PGGT1B: variants seen among roughly 807,000 people sequenced by gnomAD.
PGGT1B encodes geranylgeranyl transferase type-1 subunit beta.
In PGGT1B, 30 loss-of-function variants were observed where a neutral mutation model predicts 46.1. The ratio of observed to expected loss-of-function variants is 0.65; its 90% CI spans 0.49 to 0.88. The LOEUF (loss-of-function observed/expected upper bound fraction) is 0.88. Ranked by LOEUF, PGGT1B falls within the 40% of genes least tolerant of loss-of-function variation. The probability of loss-of-function intolerance (pLI) is 0.00; values close to 1 mark genes in which losing one functional copy is unlikely to be tolerated. For missense variants in PGGT1B, 376 were observed against 455.9 expected, an observed-to-expected ratio of 0.82 and a Z score of 1.60; for synonymous variants, 170 against 160.0, an observed-to-expected ratio of 1.06 and a Z score of -0.47.
At chr5:115,252,482 T>G (rs537015661) in intron 2 of PGGT1B, among the ~76,000 whole-genome samples, 85 of 152,132 alleles carry the variant, frequency 5.6e-4, no homozygotes, top group African/African-American at 1.7e-3. Flanking sequence ...GTTTGTTTGT[T>G]TGATGTTTTT....
chr5:115,236,098 T>C (rs1757175210), intron 5 of PGGT1B, among the ~76,000 whole-genome samples: 1 of 152,172 alleles, frequency 6.6e-6, no homozygotes, highest in Non-Finnish European at 1.5e-5. Flanking sequence ...TAGAATAGGC[T>C]GTCAATATTC....
At chr5:115,235,125 G>A (rs1757137606) in intron 5 of PGGT1B, among the ~76,000 whole-genome samples, 1 of 151,946 alleles carries the variant, frequency 6.6e-6, no homozygotes, top group African/African-American at 2.4e-5. Flanking sequence ...CAAAGAATGA[G>A]GGTAACATGT....
chr5:115,243,536 G>A (rs1349482315), intron 2 of PGGT1B, among the ~76,000 whole-genome samples: 5 of 152,166 alleles, frequency 3.3e-5, no homozygotes, highest in African/African-American at 7.2e-5. Context: ...TATGAATGGT[G>A]TGAGATGATA....
intron 8 of PGGT1B, among the ~76,000 whole-genome samples, chr5:115,213,257 G>C (rs1245684074): frequency 6.6e-6 from 1 of 152,160 alleles, no homozygotes. Context: ...TGACAATTCT[G>C]CACTGGCTCA....
chr5:115,238,291 A>ATTTTTTTTTTTTTTTTTT lies in PGGT1B; in HGVS notation c.328-300_328-283dup, dbSNP rs35711954. On this transcript the variant is annotated intron_variant, in intron 3 of 8. Coordinates refer to ENST00000419445, the MANE Select transcript of PGGT1B (RefSeq NM_005023.4). ...AATTATGTATTACTTATTTTTTTGGATTTTTTTTTTTTTTTTTTTTTTTTT... is the reference window on the plus strand; with the variant it reads ...AATTATGTATTACTTATTTTTTTGGATTTTTTTTTTTTTTTTTTTTTTTTTTTTTTTTTTTTTTTTTTT... Among the ~76,000 whole-genome samples the ATTTTTTTTTTTTTTTTTT allele has an allele frequency of 2.6e-4, 12 of 46,962 alleles. 1 individual carries two copies. Among genetic ancestry groups the ATTTTTTTTTTTTTTTTTT allele is most frequent in the African/African-American group, 3.1e-4 (4 of 12,888 alleles). The allele number at this position is 46,962 out of a possible 152,430, so 30.8% of individuals were successfully genotyped here.
intron 8 of PGGT1B, among the ~76,000 whole-genome samples, chr5:115,212,811 G>C (rs1211082188): frequency 6.6e-6 from 1 of 151,776 alleles, no homozygotes; most frequent in Non-Finnish European, 1.5e-5. Flanking sequence ...CATTAACAAA[G>C]GAAAACAGTT....
At chr5:115,217,099 G>A (rs1756443794) in intron 7 of PGGT1B, 126 bp from the exon 8 acceptor site, 1 of 614,510 alleles carries the variant, frequency 1.6e-6, no homozygotes, top group Non-Finnish European at 2.9e-6. Context: ...AAGTCTCTGG[G>A]GCCTTGAGCA....
At chr5:115,214,141 T>A (rs1756334355) in intron 8 of PGGT1B, among the ~76,000 whole-genome samples, 2 of 152,152 alleles carry the variant, frequency 1.3e-5, no homozygotes, top group East Asian at 1.9e-4. Flanking sequence ...TAGGAAAAAG[T>A]ACAACAGAAA....
rs1427469449 is a variant in PGGT1B, at chr5:115,262,687, C to T, written c.140+25G>A. 2.5e-6 allele frequency: 4 copies of T among 1,589,152 alleles called. No homozygotes were observed. The East Asian group carries it at 6.9e-5, about 27-fold the overall frequency. ...CGCTGGAGCCCGGGCCTTGTGCCAG[C>T]CTGGCTGACTGTGCCACGAGTTACC... On this transcript the variant is annotated intron_variant, in intron 1 of 8. Transcript: ENST00000419445.
Position 115,216,988 on chromosome 5 carries a change from CAAAT to C in PGGT1B, c.844-19_844-16del, listed in dbSNP as rs1381876559. 1 of 1,130,616 alleles carries C rather than the reference CAAAT, an allele frequency of 8.8e-7. No individual in the cohort carries two copies. The highest frequency in any genetic ancestry group is 1.3e-6 in the Non-Finnish European group (1 of 747,400). The allele number at this position is 1,130,616 out of a possible 1,614,324, so 70.0% of individuals were successfully genotyped here. The stretch of plus-strand genomic sequence containing the variant: ...ATTTTTAGAAGCTGAAATGACATGA[CAAAT>C]AAAAATTTACTGACATAAAACTCAT... On this transcript the variant is annotated splice_polypyrimidine_tract_variant and intron_variant, in intron 7 of 8. Coordinates refer to ENST00000419445, the MANE Select transcript of PGGT1B (RefSeq NM_005023.4).
chr5:115,250,690 T>C (rs751846409), intron 2 of PGGT1B, among the ~76,000 whole-genome samples: 7 of 152,046 alleles, frequency 4.6e-5, no homozygotes, highest in Non-Finnish European at 2.9e-5. Context: ...AGAAAAGTAC[T>C]CCTATAATAA....
intron 1 of PGGT1B, among the ~76,000 whole-genome samples, chr5:115,256,429 G>A (rs537454269): frequency 6.6e-6 from 1 of 152,254 alleles, no homozygotes; most frequent in South Asian, 2.1e-4. Flanking sequence ...CCATGTGATG[G>A]TATTTTAAAA....
At chr5:115,247,363 G>C (rs1747894831) in intron 2 of PGGT1B, among the ~76,000 whole-genome samples, 1 of 151,996 alleles carries the variant, frequency 6.6e-6, no homozygotes, top group African/African-American at 2.4e-5. Flanking sequence ...GACAGCTCTT[G>C]GGCCAAAATA....
At chr5:115,237,703 T>TAA (rs1757224633) in intron 4 of PGGT1B, among the ~76,000 whole-genome samples, 155 bp downstream of exon 4, 1 of 152,158 alleles carries the variant, frequency 6.6e-6, no homozygotes. Flanking sequence ...TGAGGTCACT[T>TAA]TTTTGACTAT....
chr5:115,238,535 A>G (rs1757257937), intron 3 of PGGT1B, among the ~76,000 whole-genome samples: 1 of 151,932 alleles, frequency 6.6e-6, no homozygotes, highest in Non-Finnish European at 1.5e-5. Context: ...TAAAGTCAGA[A>G]AAGCATATAG....
In PGGT1B at chr5:115,209,143, T is replaced by C. The variant is rs1055127595; in HGVS notation, c.*3259A>G. ...ATATATATATATATGAAAATACACA[T>C]ATATAATGTCTCTGTGTCTTGGCCT... On this transcript the variant is annotated 3_prime_UTR_variant, in exon 9 of 9. Transcript: ENST00000419445. 4 of 152,162 alleles carry C rather than the reference T, an allele frequency of 2.6e-5. No homozygotes were observed. Among genetic ancestry groups the C allele is most frequent in the African/African-American group, 9.6e-5 (4 of 41,542 alleles). 9.4% of individuals were successfully genotyped at this position (152,162 alleles called of 1,614,324 possible).
At chr5:115,262,305 G>A (rs918600497) in intron 1 of PGGT1B, among the ~76,000 whole-genome samples, 5 of 152,172 alleles carry the variant, frequency 3.3e-5, no homozygotes, top group African/African-American at 1.2e-4. Flanking sequence ...ACACCATACA[G>A]ACACTCTATT....
rs757321869 is a variant in PGGT1B at position 115,213,653 on chromosome 5, T to TC, written c.953-1071dup. Among the ~76,000 whole-genome samples the TC allele has an allele frequency of 2.6e-5, 4 of 152,050 alleles. No individual in the cohort carries two copies. In the East Asian group the frequency reaches 5.8e-4, roughly 22 times the overall value. Reference sequence around the variant, plus strand: ...AGGTATGGTGGCGTGCGCCTGTAGTTCCGGCTACTCGGGAGGCTGAGGTGG... The same window carrying TC: ...AGGTATGGTGGCGTGCGCCTGTAGTTCCCGGCTACTCGGGAGGCTGAGGTGG... On this transcript the variant is annotated intron_variant, in intron 8 of 8. Transcript: ENST00000419445.
Position 115,262,730 on chromosome 5 carries a change from G to A in PGGT1B, c.122C>T (p.Ser41Phe), listed in dbSNP as rs1235675330. ...RCLQVLPERY[S>F]SLETSRLTIA... ...GAGTTACCTGCTTGTCTCGAGTGAA[G>A]AATAGCGCTCCGGCAAAACCTGGAG... Residue 41 changes from serine to phenylalanine, a missense_variant, in exon 1 of 9, where the codon TCT becomes TTT. Transcript: ENST00000419445. The A allele has an allele frequency of 1.9e-6, 3 of 1,611,166 alleles. No homozygotes were observed. The highest frequency in any genetic ancestry group is 3.4e-5 in the Admixed American group (2 of 59,676).
Sources: gnomAD v4.1 joint callset for allele counts (sites outside exome capture counted in the v4.1 genomes callset) on GRCh38, gnomAD v4.1.1 for gene constraint, MANE v1.5 for transcripts, NCBI Gene and HGNC (gene_info 2026-07-23, HGNC 2026-07-21) for gene names.